Variants in ACAN observed in about 807,000 individuals in gnomAD.
ACAN encodes the protein aggrecan core protein.
A neutral mutation model predicts 169.1 loss-of-function variants in ACAN; 47 were observed. The observed-to-expected ratio is 0.28, with a 90% CI of 0.22 to 0.35. The LOEUF is 0.35. Among genes scored for constraint, ACAN ranks in the 10% least tolerant of loss-of-function variants. ACAN has a pLI of 1.00. For missense variants in ACAN, 2,716 were observed against 2,759.9 expected, an observed-to-expected ratio of 0.98 and a Z score of 0.36; for synonymous variants, 1,115 against 1,112.2, an observed-to-expected ratio of 1.00 and a Z score of -0.05.
At chr15:88,824,495 C>A (rs530340899) in intron 1 of ACAN, among the ~76,000 whole-genome samples, 4 of 152,220 alleles carry the variant, frequency 2.6e-5, no homozygotes, top group Admixed American at 1.3e-4. Flanking sequence ...GTGAGAAAAA[C>A]CAAAAAAACT....
At chr15:88,836,399 C>T in intron 2 of ACAN, 123 bp downstream of exon 2, 2 of 863,228 alleles carry the variant, frequency 2.3e-6, no homozygotes, top group Non-Finnish European at 3.8e-6. Context: ...TGGACTTTTC[C>T]TGGCCCCACC....
chr15:88,841,747 A>G lies in ACAN; in HGVS notation c.637A>G (p.Ile213Val). ...ATTTCGGGTTCCTGGCAGATACCCCATCCACACTCCCCGGGAAGGCTGCTA... is the reference window on the plus strand; with the variant it reads ...ATTTCGGGTTCCTGGCAGATACCCCGTCCACACTCCCCGGGAAGGCTGCTA... ...WLADQTVRYP[I>V]HTPREGCYGD... is the part of the protein sequence containing the mutation. The change falls in exon 5 of 19, where the codon ATC (isoleucine) becomes GTC (valine). Residue 213 changes from isoleucine to valine, a missense_variant. Ile to Val is a conservative substitution (Grantham distance 29). This residue lies in a region of ACAN where 1,283 missense variants were observed against 1,281.5 expected (regional missense o/e 1.00). Coordinates refer to ENST00000560601, the MANE Select transcript of ACAN (RefSeq NM_001369268.1). 6.2e-7 allele frequency: 1 copy of G among 1,613,260 alleles called. No individual in the cohort carries two copies. Among genetic ancestry groups the G allele is most frequent in the Non-Finnish European group, 8.5e-7 (1 of 1,179,700 alleles).
At chr15:88,820,612 TA>T (rs1896052853) in intron 1 of ACAN, among the ~76,000 whole-genome samples, 1 of 152,152 alleles carries the variant, frequency 6.6e-6, no homozygotes, top group African/African-American at 2.4e-5. Flanking sequence ...CTACATGTCA[TA>T]TTGTACCTGT....
chr15:88,853,861 A>G (rs776697443), intron 11 of ACAN, among the ~76,000 whole-genome samples: 11 of 127,040 alleles, frequency 8.7e-5, no homozygotes, highest in Non-Finnish European at 9.9e-5. Context: ...TTTTTTTTTC[A>G]TGGCACCACT....
rs1596108444 is a variant in ACAN at position 88,807,388 on chromosome 15, G to T, written c.-8+3579G>T. Among the ~76,000 whole-genome samples, 1 of 152,204 alleles carries T rather than the reference G, an allele frequency of 6.6e-6. No homozygotes were observed. Among genetic ancestry groups the T allele is most frequent in the South Asian group, 2.1e-4 (1 of 4,830 alleles). ...CGTGGCCATGCTTCGTGTCCTGATG[G>T]TAGCCGCACTGCCGCCCTGATAACT... On this transcript the variant is annotated intron_variant, in intron 1 of 18. Transcript: ENST00000560601. This position sits in a 1 kb window ranked among gnomAD's most constrained non-coding sequence, Gnocchi z 4.0.
chr15:88,857,686 G>A lies in ACAN; in HGVS notation c.5101G>A (p.Asp1701Asn). ...ATCTGGACTGCCCTCCAGTGAGCTG[G>A]ACATTAGTGGGAGAGCTAGTGGACT... ...EISGLPSSEL[D>N]ISGRASGLPS... Residue 1701 changes from aspartate (D) to asparagine (N), a missense_variant, in exon 12 of 19, where the codon GAC (aspartate) becomes AAC (asparagine). Coordinates refer to ENST00000560601, the MANE Select transcript of ACAN (RefSeq NM_001369268.1). 6.2e-7 allele frequency: 1 copy of A among 1,614,014 alleles called. No individual in the cohort carries two copies. The highest frequency in any genetic ancestry group is 1.6e-4 in the Middle Eastern group (1 of 6,062).
At chr15:88,836,152 C>A in intron 1 of ACAN, 48 bp from the exon 2 acceptor site, 1 of 1,393,694 alleles carries the variant, frequency 7.2e-7, no homozygotes, top group South Asian at 1.2e-5. Context: ...TGCTTGACCT[C>A]ACCATGCCTT....
intron 1 of ACAN, 50 bp from the exon 2 acceptor site, chr15:88,836,150 C>T: frequency 7.3e-7 from 1 of 1,377,566 alleles, no homozygotes; most frequent in South Asian, 1.2e-5. Context: ...TCTGCTTGAC[C>T]TCACCATGCC....
intron 1 of ACAN, among the ~76,000 whole-genome samples, chr15:88,832,057 C>T (rs1896378081): frequency 6.6e-6 from 1 of 152,264 alleles, no homozygotes; most frequent in East Asian, 1.9e-4. Context: ...ACAATTGGAG[C>T]TGCTCAGCCA....
At chr15:88,863,951 CACTTGAGCCCA>C (rs1897243246) in intron 13 of ACAN, among the ~76,000 whole-genome samples, 2 of 152,204 alleles carry the variant, frequency 1.3e-5, no homozygotes, top group African/African-American at 4.8e-5. Context: ...GCAGGAGGAT[CACTTGAGCCCA>C]GGAGTTCAAG....
chr15:88,813,176 A>C (rs1441991734), intron 1 of ACAN, among the ~76,000 whole-genome samples: 1 of 152,196 alleles, frequency 6.6e-6, no homozygotes, highest in African/African-American at 2.4e-5. Context: ...GGTCAAGAAA[A>C]GTTTGTTGGC....
intron 1 of ACAN, among the ~76,000 whole-genome samples, chr15:88,831,731 C>T (rs1896369701): frequency 6.6e-6 from 1 of 152,162 alleles, no homozygotes; most frequent in African/African-American, 2.4e-5. Flanking sequence ...CTCCTTGGGC[C>T]TCAGTTTCTT....
At position 88,847,978 on chromosome 15, in the gene ACAN, T is replaced by C. The variant is rs756802171; in HGVS notation, c.1672T>C (p.Tyr558His). The C allele has an allele frequency of 6.2e-7, 1 of 1,614,034 alleles. No individual in the cohort carries two copies. Among genetic ancestry groups the C allele is most frequent in the East Asian group, 2.2e-5 (1 of 44,884 alleles). ...DKDSSPGVRT[Y>H]GVRPSTETYD... ...GGACAGCAGCCCAGGGGTCAGGACC[T>C]ATGGCGTGCGCCCATCAACAGAGAC... Residue 558 changes from tyrosine (Y) to histidine (H), a missense_variant, in exon 9 of 19, where the codon TAT becomes CAT. Transcript: ENST00000560601.
rs1402844259 is a variant in ACAN, at chr15:88,838,577, G to A, written c.71-86G>A. On this transcript the variant is annotated intron_variant, in intron 2 of 18. Coordinates refer to ENST00000560601, the MANE Select transcript of ACAN (RefSeq NM_001369268.1). This position sits in a 1 kb window ranked among gnomAD's most constrained non-coding sequence, Gnocchi z 5.1. ...TCGGATTTCGCTCTCTCAGGAGAGTGCATTGCTGGAAGGATGGATGGGGAG... is the reference window on the plus strand; with the variant it reads ...TCGGATTTCGCTCTCTCAGGAGAGTACATTGCTGGAAGGATGGATGGGGAG... The A allele has an allele frequency of 2.1e-6, 3 of 1,449,156 alleles. No individual in the cohort carries two copies. Among genetic ancestry groups the A allele is most frequent in the African/African-American group, 2.8e-5 (2 of 70,516 alleles). The allele number at this position is 1,449,156 out of a possible 1,614,324, so 89.8% of individuals were successfully genotyped here. A position where few individuals can be genotyped will look rare whatever the true frequency, so the allele number is the denominator to read the frequency against.
At position 88,874,818 on chromosome 15, in the gene ACAN, G is replaced by C. The variant is rs1249431001; in HGVS notation, c.*337G>C. Reference sequence around the variant, plus strand: ...GGGAGGGGTTAAGTTAAATAAAGAAGATTATTTTTGTTTCCTGACTTTATC... The same window carrying C: ...GGGAGGGGTTAAGTTAAATAAAGAACATTATTTTTGTTTCCTGACTTTATC... On this transcript the variant is annotated 3_prime_UTR_variant, in exon 19 of 19. Transcript: ENST00000560601. This position sits in a 1 kb window ranked among gnomAD's most constrained non-coding sequence, Gnocchi z 7.3. The C allele has an allele frequency of 2.7e-6, 1 of 377,170 alleles. No individual in the cohort carries two copies. 23.4% of individuals were successfully genotyped at this position (377,170 alleles called of 1,614,324 possible).
At chr15:88,824,338 A>C (rs1896156059) in intron 1 of ACAN, among the ~76,000 whole-genome samples, 1 of 151,886 alleles carries the variant, frequency 6.6e-6, no homozygotes. Flanking sequence ...AAACAACAAC[A>C]ACAACAAAAA....
intron 2 of ACAN, 42 bp downstream of exon 2, chr15:88,836,318 T>C: frequency 6.5e-7 from 1 of 1,544,564 alleles, no homozygotes; most frequent in Non-Finnish European, 8.9e-7. Context: ...TCAGTAGGCA[T>C]GAGTAGTGGG....
chr15:88,839,613 G>C lies in ACAN; in HGVS notation c.455-399G>C, dbSNP rs538414414. Among the ~76,000 whole-genome samples, 1 of 152,206 alleles carries C rather than the reference G, an allele frequency of 6.6e-6. No individual in the cohort carries two copies. Among genetic ancestry groups the C allele is most frequent in the African/African-American group, 2.4e-5 (1 of 41,456 alleles). On this transcript the variant is annotated intron_variant, in intron 3 of 18. Transcript: ENST00000560601. The surrounding 1 kb of genome is among the most constrained non-coding windows in gnomAD (Gnocchi z 4.5). ...TCTGTCAAAGACAGTTCACTCCTGG[G>C]CACACCTTAAATGAGGTTTCCACTA...
At position 88,858,100 on chromosome 15, in the gene ACAN, G is replaced by A. The variant is rs759325407; in HGVS notation, c.5515G>A (p.Val1839Met). 1 of 1,613,780 alleles carries A rather than the reference G, an allele frequency of 6.2e-7. No individual in the cohort carries two copies. Among genetic ancestry groups the A allele is most frequent in the African/African-American group, 1.3e-5 (1 of 74,886 alleles). Residue 1839 changes from valine to methionine, a missense_variant, in exon 12 of 19, where the codon GTG becomes ATG. Val to Met is a conservative substitution (Grantham distance 21). Transcript: ENST00000560601. The surrounding 1 kb of genome is among the most constrained non-coding windows in gnomAD (Gnocchi z 4.0). Reference protein sequence around the residue: ...ITFVDTSLVEVAPTTFKEEEG... With the variant: ...ITFVDTSLVEMAPTTFKEEEG... ...ATTTGTGGACACCAGTTTGGTTGAA[G>A]TGGCCCCTACTACATTTAAAGAAGA...
Sources: gnomAD v4.1 joint callset for allele counts (sites outside exome capture counted in the v4.1 genomes callset) on GRCh38, gnomAD v4.1.1 for gene constraint, gnomAD v4.1.1 regional missense constraint, Gnocchi (gnomAD v3.1) non-coding constraint, MANE v1.5 for transcripts, NCBI Gene and HGNC (gene_info 2026-07-23, HGNC 2026-07-21) for gene names.